Variants in LSM14B observed in about 807,000 individuals in gnomAD.
LSM14B encodes protein LSM14 homolog B.
Under a neutral mutation model 42.1 loss-of-function variants are expected in LSM14B, and 8 were observed. The observed-to-expected ratio is 0.19, with a 90% CI of 0.11 to 0.34. The LOEUF (loss-of-function observed/expected upper bound fraction) is 0.34, where lower values mean the gene tolerates loss of function less well. Among genes scored for constraint, LSM14B ranks in the 10% least tolerant of loss-of-function variants. The probability of loss-of-function intolerance (pLI) is 1.00; values close to 1 mark genes in which losing one functional copy is unlikely to be tolerated. For synonymous variants in LSM14B, 219 were observed against 209.7 expected, an observed-to-expected ratio of 1.04 and a Z score of -0.38; for missense variants, 396 against 513.1, an observed-to-expected ratio of 0.77 and a Z score of 2.21.
At position 62,130,775 on chromosome 20, in the gene LSM14B, G is replaced by T. The variant is rs979875372; in HGVS notation, c.835+84G>T. 7.1e-7 allele frequency: 1 copy of T among 1,406,158 alleles called. No individual in the cohort carries two copies. Among genetic ancestry groups the T allele is most frequent in the Non-Finnish European group, 9.6e-7 (1 of 1,037,280 alleles). 87.1% of individuals were successfully genotyped at this position (1,406,158 alleles called of 1,614,324 possible). The stretch of plus-strand genomic sequence containing the variant: ...GAGGAGATGCCTGGCCGGGTGTGGT[G>T]GTTCACGCCTGTAATCTCAGCACTT... On this transcript the variant is annotated intron_variant, in intron 6 of 8. Transcript: ENST00000279068. The surrounding 1 kb of genome is among the most constrained non-coding windows in gnomAD (Gnocchi z 4.1).
chr20:62,125,073 G>T (rs2002239), intron 2 of LSM14B, among the ~76,000 whole-genome samples: 100,128 of 151,964 alleles, frequency 0.66, 36,185 homozygotes, highest in Non-Finnish European at 0.8. Context: ...TAGAGACGGG[G>T]TTTCACCATG....
chr20:62,123,334 C>A, intron 1 of LSM14B: 1 of 152,564 alleles, frequency 6.6e-6, no homozygotes, highest in Non-Finnish European at 1.5e-5. Context: ...GGGCCTTGAT[C>A]CTGAACAAAT....
Position 62,124,613 on chromosome 20 carries a change from T to C in LSM14B, c.128-4T>C, listed in dbSNP as rs145551145. On this transcript the variant is annotated splice_region_variant and splice_polypyrimidine_tract_variant and intron_variant, in intron 1 of 8. Coordinates refer to ENST00000279068, the MANE Select transcript of LSM14B (RefSeq NM_144703.3). ...AATAACGCTTCTCTTTCTCCACTCA[T>C]AAGTGAGGTCCTTTGGCACTGAAGA... 2 of 1,613,426 alleles carry C rather than the reference T, an allele frequency of 1.2e-6. No individual in the cohort carries two copies. Among genetic ancestry groups the C allele is most frequent in the East Asian group, 2.2e-5 (1 of 44,882 alleles).
chr20:62,126,976 G>A (rs1330922185), intron 3 of LSM14B, among the ~76,000 whole-genome samples: 1 of 152,112 alleles, frequency 6.6e-6, no homozygotes, highest in East Asian at 1.9e-4. Context: ...TAGCCTGAGC[G>A]GCACAGTGAG....
intron 2 of LSM14B, 134 bp downstream of exon 2, chr20:62,124,914 C>T: frequency 1.0e-6 from 1 of 993,942 alleles, no homozygotes; most frequent in East Asian, 2.8e-5. Flanking sequence ...CAGCGTCTCG[C>T]TGTGTCACCA....
intron 2 of LSM14B, among the ~76,000 whole-genome samples, chr20:62,125,860 G>A (rs1314612257): frequency 1.3e-5 from 2 of 152,204 alleles, no homozygotes; most frequent in African/African-American, 4.8e-5. Context: ...AGGAGTTCAA[G>A]ACCAGCTTGG....
chr20:62,134,609 G>A lies in LSM14B; in HGVS notation c.*461G>A, dbSNP rs1041739998. 122 of 221,308 alleles carry A rather than the reference G, an allele frequency of 5.5e-4. 1 individual carries two copies. Among genetic ancestry groups the A allele is most frequent in the African/African-American group, 2.8e-3 (117 of 41,252 alleles). 13.7% of individuals were successfully genotyped at this position (221,308 alleles called of 1,614,324 possible). The stretch of plus-strand genomic sequence containing the variant: ...GTTGGCCTGGCACCCCACTGCCAAG[G>A]GTGGGGTCTCAGGAGTCAGGCAGGG... On this transcript the variant is annotated 3_prime_UTR_variant, in exon 9 of 9. Coordinates refer to ENST00000279068, the MANE Select transcript of LSM14B (RefSeq NM_144703.3).
intron 3 of LSM14B, chr20:62,127,566 C>T: frequency 7.2e-6 from 11 of 1,518,620 alleles, no homozygotes; most frequent in Middle Eastern, 1.7e-4. Context: ...TTTGCTCTTT[C>T]TCCTTTATCT....
chr20:62,126,522 A>G, intron 3 of LSM14B, 83 bp downstream of exon 3: 2 of 1,524,920 alleles, frequency 1.3e-6, no homozygotes, highest in Non-Finnish European at 1.8e-6. Flanking sequence ...GGGTGGGGAT[A>G]TGCATTCCTG....
chr20:62,131,792 G>A lies in LSM14B; in HGVS notation c.986+286G>A, dbSNP rs374144033. Among the ~76,000 whole-genome samples the A allele has an allele frequency of 9.0e-4, 137 of 152,338 alleles. 1 individual carries two copies. In the South Asian group the frequency reaches 9.8e-3, roughly 11 times the overall value. On this transcript the variant is annotated intron_variant, in intron 7 of 8. Transcript: ENST00000279068. ...CTGCACCGCCCCCCCCGGCAGACCC[G>A]TGTCCACATTCAGCATACCTCACGG...
Position 62,134,156 on chromosome 20 carries a change from C to G in LSM14B, c.*15-7C>G, listed in dbSNP as rs2056845490. The stretch of plus-strand genomic sequence containing the variant: ...GCAGATGCTTGACTTCCTGTCATCT[C>G]TTGCAGGCTCCTACTGAAGTGGCGC... On this transcript the variant is annotated splice_region_variant and splice_polypyrimidine_tract_variant and intron_variant, in intron 8 of 8. Transcript: ENST00000279068. The G allele has an allele frequency of 2.2e-6, 1 of 453,544 alleles. No individual in the cohort carries two copies. Among genetic ancestry groups the G allele is most frequent in the East Asian group, 7.2e-5 (1 of 13,986 alleles). The allele number at this position is 453,544 out of a possible 1,614,324, so 28.1% of individuals were successfully genotyped here.
chr20:62,128,378 C>T (rs1228034999), intron 3 of LSM14B, among the ~76,000 whole-genome samples: 1 of 152,266 alleles, frequency 6.6e-6, no homozygotes, highest in African/African-American at 2.4e-5. Flanking sequence ...GGCCCTGGTC[C>T]AGGTTGATGC....
rs2056443698 is a variant in LSM14B at position 62,122,872 on chromosome 20, G to C, written c.127+79G>C. On this transcript the variant is annotated intron_variant, in intron 1 of 8. Coordinates refer to ENST00000279068, the MANE Select transcript of LSM14B (RefSeq NM_144703.3). This position sits in a 1 kb window ranked among gnomAD's most constrained non-coding sequence, Gnocchi z 4.6. ...GCCTGCGGTGCCCTCCCCGCCCCGG[G>C]GCGCCCCGGAGCCTGGCGCCCAGAC... 1 of 1,229,956 alleles carries C rather than the reference G, an allele frequency of 8.1e-7. No individual in the cohort carries two copies. Among genetic ancestry groups the C allele is most frequent in the Non-Finnish European group, 1.0e-6 (1 of 970,704 alleles). The allele number at this position is 1,229,956 out of a possible 1,614,324, so 76.2% of individuals were successfully genotyped here. A position where few individuals can be genotyped will look rare whatever the true frequency, so the allele number is the denominator to read the frequency against.
chr20:62,134,352 T>C lies in LSM14B; in HGVS notation c.*204T>C. 2 of 471,522 alleles carry C rather than the reference T, an allele frequency of 4.2e-6. No individual in the cohort carries two copies. The highest frequency in any genetic ancestry group is 1.6e-5 in the South Asian group (1 of 64,472). 29.2% of individuals were successfully genotyped at this position (471,522 alleles called of 1,614,324 possible). A position where few individuals can be genotyped will look rare whatever the true frequency, so the allele number is the denominator to read the frequency against. On this transcript the variant is annotated 3_prime_UTR_variant, in exon 9 of 9. Coordinates refer to ENST00000279068, the MANE Select transcript of LSM14B (RefSeq NM_144703.3). ...ACCACTTGTTTTGGGGAAGTATTCA[T>C]GGGTAACCTCTTTGAGGTCTCTTTA...
chr20:62,130,524 T>C lies in LSM14B; in HGVS notation c.674-6T>C. ...CTTCAGCCAGGGCTGTCCTTTGTCCTCACAGGAAACAGGCGAACAAGGAAT... is the reference window on the plus strand; with the variant it reads ...CTTCAGCCAGGGCTGTCCTTTGTCCCCACAGGAAACAGGCGAACAAGGAAT... On this transcript the variant is annotated splice_region_variant and splice_polypyrimidine_tract_variant and intron_variant, in intron 5 of 8. Transcript: ENST00000279068. The surrounding 1 kb of genome is among the most constrained non-coding windows in gnomAD (Gnocchi z 4.1). 6.2e-7 allele frequency: 1 copy of C among 1,613,420 alleles called. No homozygotes were observed. The highest frequency in any genetic ancestry group is 8.5e-7 in the Non-Finnish European group (1 of 1,179,588).
intron 3 of LSM14B, among the ~76,000 whole-genome samples, chr20:62,129,343 T>C (rs557368391): frequency 1.3e-5 from 2 of 152,328 alleles, no homozygotes; most frequent in East Asian, 3.9e-4. Flanking sequence ...GGCTGGTTCT[T>C]CTCCAGTGTG....
rs1272770329 is a variant in LSM14B, at chr20:62,133,323, G to A, written c.1020G>A (p.Lys340=). 4 of 1,613,656 alleles carry A rather than the reference G, an allele frequency of 2.5e-6. No homozygotes were observed. Among genetic ancestry groups the A allele is most frequent in the Non-Finnish European group, 3.4e-6 (4 of 1,179,688 alleles). Reference sequence around the variant, plus strand: ...GGACGACGTGGGCCGAAGAGAGGAAGCTCAACACAGAGACCTTTGGGGTGT... The same window carrying A: ...GGACGACGTGGGCCGAAGAGAGGAAACTCAACACAGAGACCTTTGGGGTGT... The part of the protein sequence containing the change: ...SRRTTWAEER[K]LNTETFGVSG... The change falls in exon 8 of 9, where the codon AAG becomes AAA. Residue 340 remains lysine (K), a synonymous_variant. Coordinates refer to ENST00000279068, the MANE Select transcript of LSM14B (RefSeq NM_144703.3).
At chr20:62,132,259 A>G (rs1365874526) in intron 7 of LSM14B, among the ~76,000 whole-genome samples, 1 of 152,194 alleles carries the variant, frequency 6.6e-6, no homozygotes, top group East Asian at 1.9e-4. Context: ...GGCTGCGCAG[A>G]TGAGTGCGGG....
In LSM14B at chr20:62,133,377, T is replaced by C. The variant is rs770018797; in HGVS notation, c.1074T>C (p.Ser358=). 6.2e-7 allele frequency: 1 copy of C among 1,613,220 alleles called. No individual in the cohort carries two copies. The highest frequency in any genetic ancestry group is 2.2e-5 in the East Asian group (1 of 44,816). The stretch of plus-strand genomic sequence containing the variant: ...GGAGGTTTCTTCGTGGCCGCAGTTC[T>C]CGGGGCGGATTCCGAGGAGGCAGGG... The part of the protein sequence containing the change: ...VSGRFLRGRS[S]RGGFRGGRGN... Residue 358 remains serine (S), a synonymous_variant, in exon 8 of 9, where the codon TCT becomes TCC. Transcript: ENST00000279068.
Sources: allele counts gnomAD v4.1 joint callset (sites outside exome capture counted in the v4.1 genomes callset), GRCh38; gene constraint gnomAD v4.1.1; non-coding constraint Gnocchi (gnomAD v3.1); transcripts MANE v1.5; gene names NCBI Gene and HGNC (gene_info 2026-07-23, HGNC 2026-07-21).